The following SRGAP2C variants were observed in gnomAD, a reference collection of about 807,000 sequenced individuals.
The protein encoded by SRGAP2C is SLIT-ROBO Rho GTPase activating protein 2C.
Under a neutral mutation model 25.1 loss-of-function variants are expected in SRGAP2C, and 15 were observed. That is an observed-to-expected ratio of 0.60 (90% CI 0.40 to 0.92). SRGAP2C has a LOEUF of 0.92. SRGAP2C is among the 40% of genes least tolerant of loss of function. SRGAP2C has a pLI of 0.00. For synonymous variants in SRGAP2C, 44 were observed against 96.6 expected (o/e 0.46, Z 3.19); for missense variants, 144 against 264.4 (o/e 0.54, Z 3.16).
At chr1:121,338,513 C>T (rs1198776434) in intron 4 of SRGAP2C, among the ~76,000 whole-genome samples, 2 of 124,942 alleles carry the variant, frequency 1.6e-5, no homozygotes, top group Non-Finnish European at 3.3e-5. Flanking sequence ...TAGATCCTAC[C>T]TTTCTTTGCT....
At chr1:121,314,611 A>G (rs1252111474) in intron 3 of SRGAP2C, among the ~76,000 whole-genome samples, 3 of 150,628 alleles carry the variant, frequency 2.0e-5, no homozygotes, top group South Asian at 4.2e-4. Flanking sequence ...TTCGGTGTGG[A>G]TGTCCTTTCT....
At chr1:121,222,640 CA>C (rs1402660731) in intron 2 of SRGAP2C, among the ~76,000 whole-genome samples, 1 of 151,884 alleles carries the variant, frequency 6.6e-6, no homozygotes, top group East Asian at 1.9e-4. Context: ...AACAAGCTAA[CA>C]AAAAAACCCC....
intron 2 of SRGAP2C, among the ~76,000 whole-genome samples, chr1:121,263,141 G>A (rs1246422243): frequency 6.6e-6 from 1 of 151,434 alleles, no homozygotes; most frequent in Non-Finnish European, 1.5e-5. Context: ...ATCGCTTGAG[G>A]TCAGGAGTTT....
chr1:121,250,991 T>A (rs1656347673), intron 2 of SRGAP2C, among the ~76,000 whole-genome samples: 1 of 142,888 alleles, frequency 7.0e-6, no homozygotes, highest in South Asian at 2.2e-4. Flanking sequence ...GGTTTACATT[T>A]AAAAATATAA....
intron 2 of SRGAP2C, among the ~76,000 whole-genome samples, chr1:121,226,843 TTGA>T (rs1655685753): frequency 9.6e-6 from 1 of 104,006 alleles, no homozygotes; most frequent in African/African-American, 3.8e-5. Flanking sequence ...CTAACTATTG[TTGA>T]TGATTTGAGT....
intron 5 of SRGAP2C, among the ~76,000 whole-genome samples, chr1:121,366,266 TTTTTC>T (rs1296951625): frequency 6.7e-6 from 1 of 149,624 alleles, no homozygotes; most frequent in Non-Finnish European, 1.5e-5. Context: ...TTTGCTGCGT[TTTTTC>T]TTTTCTTTTC....
chr1:121,282,614 G>A (rs1169984798), intron 2 of SRGAP2C, among the ~76,000 whole-genome samples: 2 of 151,936 alleles, frequency 1.3e-5, no homozygotes, highest in Non-Finnish European at 2.9e-5. Flanking sequence ...GAGTGCAGTG[G>A]TGCGATCTCT....
chr1:121,227,957 G>A lies in SRGAP2C; in HGVS notation c.67+40444G>A, dbSNP rs587763230. On this transcript the variant is annotated intron_variant, in intron 2 of 9. Transcript: ENST00000367123. ...CAGAACTATATTAAAAACATGCCCT[G>A]CCTGTTTCCCCTCGTTGGTCCTCCC... Among the ~76,000 whole-genome samples the A allele has an allele frequency of 4.9e-5, 7 of 143,360 alleles. No homozygotes were observed. In the East Asian group the frequency reaches 1.4e-3, roughly 29 times the overall value. The allele number at this position is 143,360 out of a possible 152,430, so 94.0% of individuals were successfully genotyped here.
intron 2 of SRGAP2C, among the ~76,000 whole-genome samples, chr1:121,238,742 T>C: frequency 6.7e-6 from 1 of 150,352 alleles, no homozygotes. Context: ...GCCTGTTAAG[T>C]AGCAGGGACT....
chr1:121,284,782 C>T lies in SRGAP2C; in HGVS notation c.68-21C>T, dbSNP rs1216962502. The T allele has an allele frequency of 8.5e-6, 5 of 588,928 alleles. No homozygotes were observed. The East Asian group carries it at 1.3e-4, about 15-fold the overall frequency. 36.5% of individuals were successfully genotyped at this position (588,928 alleles called of 1,614,324 possible). ...TATTTAGGGCTGTCTTTCTGACTGTCTTCTCTTGTTTTTGTTGTAGAGATC... is the reference window on the plus strand; with the variant it reads ...TATTTAGGGCTGTCTTTCTGACTGTTTTCTCTTGTTTTTGTTGTAGAGATC... On this transcript the variant is annotated intron_variant, in intron 2 of 9. Coordinates refer to ENST00000367123, the MANE Select transcript of SRGAP2C (RefSeq NM_001329984.2).
intron 5 of SRGAP2C, among the ~76,000 whole-genome samples, chr1:121,365,699 C>T (rs1173900992): frequency 1.1e-5 from 1 of 91,716 alleles, no homozygotes; most frequent in Non-Finnish European, 2.3e-5. Flanking sequence ...AGGAACGTAG[C>T]CTGCATTGCA....
At chr1:121,191,346 C>G (rs1654669954) in intron 2 of SRGAP2C, among the ~76,000 whole-genome samples, 2 of 151,580 alleles carry the variant, frequency 1.3e-5, no homozygotes, top group African/African-American at 4.8e-5. Flanking sequence ...ATACCTAATA[C>G]AGTGTAAATG....
chr1:121,259,566 C>T (rs1276318690), intron 2 of SRGAP2C, among the ~76,000 whole-genome samples: 4 of 150,442 alleles, frequency 2.7e-5, no homozygotes, highest in African/African-American at 7.3e-5. Context: ...ATATGTTTTA[C>T]AATTATTCAT....
At chr1:121,322,542 T>TG (rs1658232897) in intron 3 of SRGAP2C, among the ~76,000 whole-genome samples, 1 of 117,204 alleles carries the variant, frequency 8.5e-6, no homozygotes, top group African/African-American at 3.5e-5. Flanking sequence ...AGGTAAGTGT[T>TG]GTCACAGTGA....
intron 2 of SRGAP2C, among the ~76,000 whole-genome samples, chr1:121,218,569 G>A (rs879959136): frequency 3.0e-3 from 405 of 136,834 alleles, no homozygotes; most frequent in Non-Finnish European, 4.6e-3. Context: ...GTGAAACCCC[G>A]TCTCTACTAA....
chr1:121,263,444 A>AC (rs1227792295), intron 2 of SRGAP2C, among the ~76,000 whole-genome samples: 1 of 150,910 alleles, frequency 6.6e-6, no homozygotes, highest in African/African-American at 2.4e-5. Flanking sequence ...AAAAAAAAAA[A>AC]AAAAAACTTC....
intron 9 of SRGAP2C, among the ~76,000 whole-genome samples, chr1:121,387,343 ATAT>A (rs1480586114): frequency 9.1e-4 from 31 of 33,978 alleles, no homozygotes; most frequent in Non-Finnish European, 1.2e-3. Context: ...TTGTTATATA[ATAT>A]TATAATAATG....
At chr1:121,315,066 G>A (rs1418705434) in intron 3 of SRGAP2C, 12 of 896,634 alleles carry the variant, frequency 1.3e-5, no homozygotes, top group South Asian at 6.9e-5. Flanking sequence ...GTTGCTCCCC[G>A]AGGGTGAGGA....
At chr1:121,288,987 C>G (rs1553337225) in intron 3 of SRGAP2C, among the ~76,000 whole-genome samples, 6,132 of 142,924 alleles carry the variant, frequency 0.043, 486 homozygotes, top group African/African-American at 0.15. Flanking sequence ...AATCCCTGAG[C>G]TACATATAAA....
Sources: gnomAD v4.1 joint callset for allele counts (sites outside exome capture counted in the v4.1 genomes callset) on GRCh38, gnomAD v4.1.1 for gene constraint, MANE v1.5 for transcripts, NCBI Gene and HGNC (gene_info 2026-07-23, HGNC 2026-07-21) for gene names.